The following TPST1 variants were observed in gnomAD, a reference collection of about 807,000 sequenced individuals.
TPST1 encodes protein-tyrosine sulfotransferase 1.
TPST1 carries 20 observed loss-of-function variants against 34.8 expected under a neutral mutation model. The observed-to-expected ratio is 0.57, with a 90% CI of 0.40 to 0.84. The LOEUF is 0.84. Among genes scored for constraint, TPST1 ranks in the 40% least tolerant of loss-of-function variants. TPST1 has a pLI of 0.00. For missense variants in TPST1, 353 were observed against 455.5 expected (o/e 0.78, Z 2.05); for synonymous variants, 152 against 159.4 (o/e 0.95, Z 0.35).
At position 66,241,246 on chromosome 7, in the gene TPST1, A is replaced by G; in HGVS notation, c.821A>G (p.Lys274Arg). The part of the protein sequence containing the change: ...SVLHHEEMIG[K>R]AGGVSLSKVE... ...TTGCACCATGAAGAGATGATTGGGA[A>G]AGCTGGGGGAGTGTCTCTGTCAAAG... Residue 274 changes from lysine to arginine, a missense_variant, in exon 2 of 6, where the codon AAA (lysine) becomes AGA (arginine). By Grantham distance (26) the Lys-to-Arg change is conservative. Transcript: ENST00000304842. 1 of 1,609,820 alleles carries G rather than the reference A, an allele frequency of 6.2e-7. No homozygotes were observed. Among genetic ancestry groups the G allele is most frequent in the Non-Finnish European group, 8.5e-7 (1 of 1,177,716 alleles).
At chr7:66,200,933 G>A (rs1012956330), upstream of TPST1, among the ~76,000 whole-genome samples, 1 of 151,850 alleles carries the variant, frequency 6.6e-6, no homozygotes, top group Non-Finnish European at 1.5e-5. Flanking sequence ...TTACCATGTT[G>A]ACCAGGCTGG....
intron 1 of TPST1, among the ~76,000 whole-genome samples, chr7:66,235,602 A>T (rs1402840967): frequency 6.6e-6 from 1 of 152,016 alleles, no homozygotes; most frequent in Non-Finnish European, 1.5e-5. Flanking sequence ...AGTGTAATTT[A>T]TATATATAGT....
intron 2 of TPST1, among the ~76,000 whole-genome samples, chr7:66,282,146 G>T (rs1423307226): frequency 6.6e-6 from 1 of 152,082 alleles, no homozygotes; most frequent in Non-Finnish European, 1.5e-5. Flanking sequence ...TCTAAGTGTT[G>T]GTTAATTCTG....
At chr7:66,271,436 C>G (rs1339198062) in intron 2 of TPST1, among the ~76,000 whole-genome samples, 1 of 152,174 alleles carries the variant, frequency 6.6e-6, no homozygotes, top group Non-Finnish European at 1.5e-5. Flanking sequence ...CTCAGCTTCC[C>G]AGAGTGCTGG....
At chr7:66,345,062 A>T (rs1476804370) in intron 3 of TPST1, among the ~76,000 whole-genome samples, 2 of 152,040 alleles carry the variant, frequency 1.3e-5, no homozygotes, top group Non-Finnish European at 2.9e-5. Flanking sequence ...TGTATGTAAA[A>T]TTGTGTACAC....
At chr7:66,207,077 A>T (rs1179627681) in intron 1 of TPST1, among the ~76,000 whole-genome samples, 2 of 152,180 alleles carry the variant, frequency 1.3e-5, no homozygotes, top group Admixed American at 1.3e-4. Flanking sequence ...GATGGTCTCA[A>T]GCCTGGACGA....
chr7:66,323,105 G>T (rs1206227169), intron 3 of TPST1, among the ~76,000 whole-genome samples: 9 of 151,972 alleles, frequency 5.9e-5, no homozygotes, highest in East Asian at 1.9e-4. Context: ...TGGATTTTTT[G>T]ATTTTTTGCT....
chr7:66,248,304 T>C (rs1211392272), intron 2 of TPST1, among the ~76,000 whole-genome samples: 1 of 152,122 alleles, frequency 6.6e-6, no homozygotes, highest in African/African-American at 2.4e-5. Flanking sequence ...TGGTAGATGA[T>C]GTACTTGGAA....
At chr7:66,347,765 T>C (rs1373532666) in intron 3 of TPST1, among the ~76,000 whole-genome samples, 1 of 152,208 alleles carries the variant, frequency 6.6e-6, no homozygotes, top group East Asian at 1.9e-4. Context: ...TTTCTTGACT[T>C]CTTTTTCAGA....
chr7:66,345,121 T>A (rs1233046999), intron 3 of TPST1, among the ~76,000 whole-genome samples: 2 of 151,956 alleles, frequency 1.3e-5, no homozygotes, highest in Non-Finnish European at 2.9e-5. Context: ...AAGAACCATT[T>A]GAAGTAATAA....
At chr7:66,359,035 G>T (rs969472322) in intron 5 of TPST1, 5 of 152,280 alleles carry the variant, frequency 3.3e-5, no homozygotes, top group Admixed American at 3.3e-4. Flanking sequence ...TTCAATAACA[G>T]TATCTGTGTT....
chr7:66,263,336 C>G (rs547404742), intron 2 of TPST1, among the ~76,000 whole-genome samples: 1 of 152,256 alleles, frequency 6.6e-6, no homozygotes, highest in East Asian at 1.9e-4. Context: ...AAGATGGGCT[C>G]TCTTATGCCC....
At chr7:66,344,385 A>G (rs1204834706) in intron 3 of TPST1, 3 of 152,244 alleles carry the variant, frequency 2.0e-5, no homozygotes, top group Admixed American at 1.3e-4. Context: ...CAAGGATGAT[A>G]TGTAAGGTCA....
At chr7:66,293,520 TGAA>T (rs1475741271) in intron 3 of TPST1, among the ~76,000 whole-genome samples, 1 of 152,092 alleles carries the variant, frequency 6.6e-6, no homozygotes, top group African/African-American at 2.4e-5. Context: ...GAAAAAAGAA[TGAA>T]GAAAAATTAT....
At chr7:66,310,983 G>T (rs1465687664) in intron 3 of TPST1, among the ~76,000 whole-genome samples, 2 of 152,014 alleles carry the variant, frequency 1.3e-5, no homozygotes, top group Admixed American at 1.3e-4. Context: ...ATAGGCATGA[G>T]CCACTTTGTC....
chr7:66,261,643 A>T (rs1313996363), intron 2 of TPST1, among the ~76,000 whole-genome samples: 1 of 152,048 alleles, frequency 6.6e-6, no homozygotes, highest in African/African-American at 2.4e-5. Flanking sequence ...TCATATATTT[A>T]AAAAAATATA....
At chr7:66,261,176 T>G (rs1194835395) in intron 2 of TPST1, among the ~76,000 whole-genome samples, 1 of 152,136 alleles carries the variant, frequency 6.6e-6, no homozygotes, top group East Asian at 1.9e-4. Flanking sequence ...GGAAACAGTC[T>G]TCTTCATTGC....
intron 3 of TPST1, among the ~76,000 whole-genome samples, chr7:66,287,109 G>GT (rs1360121142): frequency 7.2e-6 from 1 of 138,902 alleles, no homozygotes; most frequent in African/African-American, 2.7e-5. Flanking sequence ...GCGGTGTTTG[G>GT]TTTTTTGTTC....
Position 66,323,879 on chromosome 7 carries a change from A to C in TPST1, c.1045-28626A>C, listed in dbSNP as rs116554183. On this transcript the variant is annotated intron_variant, in intron 3 of 5. Transcript: ENST00000304842. ...TTATAGAATTACCATTTGATCCAGC[A>C]GTTCCACTTCTGTGTATATATACAA... Among the ~76,000 whole-genome samples, 1,158 of 152,348 alleles carry C rather than the reference A, an allele frequency of 7.6e-3. 18 individuals carry two copies. Among genetic ancestry groups the C allele is most frequent in the African/African-American group, 0.026 (1,089 of 41,568 alleles).
Sources: allele counts gnomAD v4.1 joint callset (sites outside exome capture counted in the v4.1 genomes callset), GRCh38; gene constraint gnomAD v4.1.1; transcripts MANE v1.5; gene names NCBI Gene and HGNC (gene_info 2026-07-23, HGNC 2026-07-21).